DDX10: variants seen among roughly 807,000 people sequenced by gnomAD.
DDX10 encodes the protein probable ATP-dependent RNA helicase DDX10.
A neutral mutation model predicts 104.3 loss-of-function variants in DDX10; 74 were observed. The ratio of observed to expected loss-of-function variants is 0.71; its 90% CI spans 0.59 to 0.86. DDX10 has a LOEUF of 0.86. Among genes scored for constraint, DDX10 ranks in the 40% least tolerant of loss-of-function variants. The probability of loss-of-function intolerance (pLI) is 0.00; values close to 1 mark genes in which losing one functional copy is unlikely to be tolerated. For synonymous variants in DDX10, 351 were observed against 353.4 expected (o/e 0.99, Z 0.08); for missense variants, 952 against 1,040.0 (o/e 0.92, Z 1.16).
intron 17 of DDX10, among the ~76,000 whole-genome samples, chr11:108,928,865 T>G (rs976141280): frequency 4.6e-5 from 7 of 152,256 alleles, no homozygotes; most frequent in African/African-American, 1.7e-4. Context: ...TAATGTCCTC[T>G]AGGATAGCTA....
chr11:108,820,504 TC>T (rs1862312187), intron 13 of DDX10, among the ~76,000 whole-genome samples: 1 of 152,202 alleles, frequency 6.6e-6, no homozygotes, highest in Non-Finnish European at 1.5e-5. Context: ...GTTACTATTC[TC>T]CCTTCTTTTA....
At chr11:108,786,208 G>C (rs958274393) in intron 13 of DDX10, among the ~76,000 whole-genome samples, 1 of 152,124 alleles carries the variant, frequency 6.6e-6, no homozygotes, top group East Asian at 1.9e-4. Flanking sequence ...CGTGGTCTGA[G>C]AGTGTGTTTG....
chr11:108,746,935 A>G (rs2094332552), intron 13 of DDX10, among the ~76,000 whole-genome samples: 1 of 152,172 alleles, frequency 6.6e-6, no homozygotes, highest in East Asian at 1.9e-4. Context: ...GGCTATGAGG[A>G]TAAGACTTGA....
intron 16 of DDX10, among the ~76,000 whole-genome samples, chr11:108,895,295 T>C (rs1298704836): frequency 5.9e-5 from 9 of 151,960 alleles, no homozygotes; most frequent in East Asian, 5.8e-4. Flanking sequence ...TGTGATTTGT[T>C]TCTTCTGAGT....
rs1689037654 is a variant in DDX10 at position 108,723,032 on chromosome 11, T to G, written c.1535T>G (p.Phe512Cys). The G allele has an allele frequency of 6.2e-7, 1 of 1,611,454 alleles. No homozygotes were observed. Among genetic ancestry groups the G allele is most frequent in the African/African-American group, 1.3e-5 (1 of 74,626 alleles). Reference sequence around the variant, plus strand: ...CTTGCTGTGGCACCACGCGTAAGATTTCTTCAGAAAATGCAGAAACAACCC... The same window carrying G: ...CTTGCTGTGGCACCACGCGTAAGATGTCTTCAGAAAATGCAGAAACAACCC... ...LGLAVAPRVR[F>C]LQKMQKQPTK... Residue 512 changes from phenylalanine to cysteine, a missense_variant, in exon 13 of 18, where the codon TTT becomes TGT. Physicochemically the swap from Phe to Cys is radical, Grantham distance 205. This residue lies in a region of DDX10 where 533 missense variants were observed against 534.1 expected (regional missense o/e 1.00). Transcript: ENST00000322536.
intron 13 of DDX10, among the ~76,000 whole-genome samples, chr11:108,820,668 T>A (rs1339089120): frequency 1.3e-5 from 2 of 152,148 alleles, no homozygotes; most frequent in Non-Finnish European, 2.9e-5. Context: ...TCTGCCTTGC[T>A]AAGGGAGGAA....
Position 108,673,470 on chromosome 11 carries a change from A to G in DDX10, c.190A>G (p.Asn64Asp). ...SRLMQNYEKINVNEITRFSDF... is the reference protein window; with the variant it reads ...SRLMQNYEKIDVNEITRFSDF... ...ATTCCTTTTTCTTTTTTTCCAGATAAATGTAAATGAAATCACAAGATTTTC... is the reference window on the plus strand; with the variant it reads ...ATTCCTTTTTCTTTTTTTCCAGATAGATGTAAATGAAATCACAAGATTTTC... Residue 64 changes from asparagine to aspartate, a missense_variant, in exon 2 of 18, where the codon AAT (asparagine) becomes GAT (aspartate). Coordinates refer to ENST00000322536, the MANE Select transcript of DDX10 (RefSeq NM_004398.4). 1 of 1,585,498 alleles carries G rather than the reference A, an allele frequency of 6.3e-7. No homozygotes were observed. Among genetic ancestry groups the G allele is most frequent in the Non-Finnish European group, 8.7e-7 (1 of 1,154,818 alleles).
chr11:108,893,989 A>C (rs773037475), intron 16 of DDX10, among the ~76,000 whole-genome samples: 1 of 152,082 alleles, frequency 6.6e-6, no homozygotes, highest in Non-Finnish European at 1.5e-5. Flanking sequence ...GATTATATTA[A>C]ATGTTCCCCT....
At chr11:108,931,355 A>G (rs1191091814) in intron 17 of DDX10, among the ~76,000 whole-genome samples, 2 of 152,152 alleles carry the variant, frequency 1.3e-5, no homozygotes, top group African/African-American at 4.8e-5. Context: ...AAACATAAAA[A>G]TTGGCACCCT....
At chr11:108,918,830 G>C (rs1037132733) in intron 17 of DDX10, 1 of 152,070 alleles carries the variant, frequency 6.6e-6, no homozygotes, top group Admixed American at 6.5e-5. Context: ...AGAGTTTATT[G>C]ATTTCAAAGT....
chr11:108,867,318 T>A (rs1171372909), intron 16 of DDX10, among the ~76,000 whole-genome samples: 2 of 152,170 alleles, frequency 1.3e-5, no homozygotes. Flanking sequence ...CAGCTCATGT[T>A]TAAGTATTTT....
chr11:108,743,827 C>T (rs1041011693), intron 13 of DDX10, among the ~76,000 whole-genome samples: 3 of 152,054 alleles, frequency 2.0e-5, no homozygotes, highest in African/African-American at 7.2e-5. Flanking sequence ...TCAGTGCCAG[C>T]GCAAGTGCTC....
intron 13 of DDX10, among the ~76,000 whole-genome samples, chr11:108,742,804 T>G (rs2094326880): frequency 6.6e-6 from 1 of 152,008 alleles, no homozygotes; most frequent in African/African-American, 2.4e-5. Context: ...ATGGATAAAT[T>G]CCTGGAAACA....
intron 13 of DDX10, among the ~76,000 whole-genome samples, chr11:108,771,362 T>A (rs1175076282): frequency 6.6e-6 from 1 of 151,900 alleles, no homozygotes; most frequent in Non-Finnish European, 1.5e-5. Context: ...CTTTTTTTTC[T>A]TTTTTTCTTT....
chr11:108,758,557 C>T (rs2094347142), intron 13 of DDX10, among the ~76,000 whole-genome samples: 1 of 152,020 alleles, frequency 6.6e-6, no homozygotes, highest in South Asian at 2.1e-4. Context: ...GTAAAAGCAA[C>T]GGGTCAATAA....
intron 13 of DDX10, among the ~76,000 whole-genome samples, chr11:108,773,782 C>G (rs1289873975): frequency 6.6e-6 from 1 of 152,062 alleles, no homozygotes; most frequent in Non-Finnish European, 1.5e-5. Flanking sequence ...GAACATAAAA[C>G]TTACTAATGT....
chr11:108,932,711 TAAAAG>T, intron 17 of DDX10, among the ~76,000 whole-genome samples: 1 of 152,174 alleles, frequency 6.6e-6, no homozygotes, highest in East Asian at 1.9e-4. Flanking sequence ...TCTTTCTCCT[TAAAAG>T]AAAACAAAAG....
intron 1 of DDX10, among the ~76,000 whole-genome samples, chr11:108,667,574 G>C (rs1359027677): frequency 1.3e-5 from 2 of 152,146 alleles, no homozygotes; most frequent in South Asian, 2.1e-4. Context: ...AAAAACCGAA[G>C]TTATTAGCCA....
intron 13 of DDX10, among the ~76,000 whole-genome samples, chr11:108,816,361 A>G (rs1044120799): frequency 6.6e-5 from 10 of 152,144 alleles, no homozygotes; most frequent in African/African-American, 2.4e-4. Flanking sequence ...TATCTCTTGG[A>G]TATTTAATAC....
Sources: gnomAD v4.1 joint callset for allele counts (sites outside exome capture counted in the v4.1 genomes callset) on GRCh38, gnomAD v4.1.1 for gene constraint, gnomAD v4.1.1 regional missense constraint, MANE v1.5 for transcripts, NCBI Gene and HGNC (gene_info 2026-07-23, HGNC 2026-07-21) for gene names.